Variants in MAP3K14 observed in about 807,000 individuals in gnomAD.
The protein encoded by MAP3K14 is mitogen-activated protein kinase kinase kinase 14, also known as NF-kappa-beta-inducing kinase.
MAP3K14 carries 16 observed loss-of-function variants against 99.2 expected under a neutral mutation model. That is an observed-to-expected ratio of 0.16 (90% CI 0.11 to 0.24). The LOEUF is 0.24. Among genes scored for constraint, MAP3K14 ranks in the 10% least tolerant of loss-of-function variants. MAP3K14 has a pLI of 1.00. For synonymous variants in MAP3K14, 462 were observed against 492.4 expected, an observed-to-expected ratio of 0.94 and a Z score of 0.82; for missense variants, 784 against 1,208.7, an observed-to-expected ratio of 0.65 and a Z score of 5.21.
At chr17:45,264,943 C>T (rs2044062663) in intron 15 of MAP3K14, 143 bp from the exon 16 acceptor site, 3 of 917,858 alleles carry the variant, frequency 3.3e-6, no homozygotes, top group Admixed American at 2.5e-5. Flanking sequence ...GAGAATCCCA[C>T]CCGGCTCAAG....
intron 1 of MAP3K14, among the ~76,000 whole-genome samples, chr17:45,295,798 T>G (rs1219430160): frequency 6.6e-6 from 1 of 152,226 alleles, no homozygotes; most frequent in Non-Finnish European, 1.5e-5. Flanking sequence ...CCAATCAGGT[T>G]GCCTGGCCAA....
At chr17:45,275,886 C>T (rs1052525653) in intron 6 of MAP3K14, among the ~76,000 whole-genome samples, 2 of 151,620 alleles carry the variant, frequency 1.3e-5, no homozygotes, top group South Asian at 4.2e-4. Flanking sequence ...CTCAGCCTCC[C>T]GAGTAGCTGG....
chr17:45,265,578 C>T (rs1458494650), intron 14 of MAP3K14, among the ~76,000 whole-genome samples: 2 of 152,330 alleles, frequency 1.3e-5, no homozygotes, highest in East Asian at 3.9e-4. Flanking sequence ...GCTGGGATTA[C>T]AGGCATGCGC....
Position 45,287,187 on chromosome 17 carries a change from G to A in MAP3K14, c.504C>T (p.Thr168=). The change falls in exon 4 of 16, where the codon ACC becomes ACT. Residue 168 remains threonine, a synonymous_variant. Transcript: ENST00000344686. ...GVALAKPLPR[T]PEQESCTIPV... ...GGATGGTGCAGCTCTCCTGCTCAGG[G>A]GTCCTGGGGAGGGGTTTGGCCAAGG... 6.2e-7 allele frequency: 1 copy of A among 1,613,896 alleles called. No homozygotes were observed. The highest frequency in any genetic ancestry group is 8.5e-7 in the Non-Finnish European group (1 of 1,179,840).
chr17:45,279,023 G>A (rs2044199782), intron 6 of MAP3K14, among the ~76,000 whole-genome samples: 2 of 152,314 alleles, frequency 1.3e-5, no homozygotes, highest in Admixed American at 1.3e-4. Context: ...AGCACTGTCA[G>A]CAATGAGCCT....
chr17:45,309,466 T>G (rs1322288870), intron 1 of MAP3K14, among the ~76,000 whole-genome samples: 1 of 152,160 alleles, frequency 6.6e-6, no homozygotes, highest in Non-Finnish European at 1.5e-5. Flanking sequence ...CTTGGTGAGG[T>G]CCTCCAGGGC....
Position 45,266,629 on chromosome 17 carries a change from T to G in MAP3K14, c.2486A>C (p.His829Pro). 6.2e-7 allele frequency: 1 copy of G among 1,613,226 alleles called. No homozygotes were observed. Among genetic ancestry groups the G allele is most frequent in the Non-Finnish European group, 8.5e-7 (1 of 1,179,564 alleles). The change falls in exon 14 of 16, where the codon CAC (histidine) becomes CCC (proline). Residue 829 changes from histidine to proline, a missense_variant. Physicochemically the swap from His to Pro is moderately conservative, Grantham distance 77. Transcript: ENST00000344686. Reference sequence around the variant, plus strand: ...AGCCTCGGCCTGGCTGCTCCAGGAGTGTACGCCTGAGCTCAGGGTGTCCCG... The same window carrying G: ...AGCCTCGGCCTGGCTGCTCCAGGAGGGTACGCCTGAGCTCAGGGTGTCCCG... ...SSRDTLSSGVHSWSSQAEARS... is the reference protein window; with the variant it reads ...SSRDTLSSGVPSWSSQAEARS...
chr17:45,270,663 C>T (rs1371066098), intron 10 of MAP3K14, 100 bp from the exon 11 acceptor site: 1 of 1,407,498 alleles, frequency 7.1e-7, no homozygotes, highest in Non-Finnish European at 9.3e-7. Flanking sequence ...CCTGTTCCCG[C>T]TGTGCTGGGG....
chr17:45,274,601 G>A lies in MAP3K14; in HGVS notation c.1291-8C>T, dbSNP rs1247845518. The stretch of plus-strand genomic sequence containing the variant: ...AAATACTTCCAGCCGCACCTGCAAG[G>A]GCCCAGAGGCAGCTGTTAAGACAGG... On this transcript the variant is annotated splice_region_variant and splice_polypyrimidine_tract_variant and intron_variant, in intron 6 of 15. Transcript: ENST00000344686. The A allele has an allele frequency of 6.2e-7, 1 of 1,612,908 alleles. No individual in the cohort carries two copies. The highest frequency in any genetic ancestry group is 8.5e-7 in the Non-Finnish European group (1 of 1,179,664).
rs777347079 is a variant in MAP3K14 at position 45,286,772 on chromosome 17, G to A, written c.811C>T (p.Pro271Ser). Residue 271 changes from proline (P) to serine (S), a missense_variant, in exon 5 of 16, where the codon CCT (proline) becomes TCT (serine). By Grantham distance (74) the Pro-to-Ser change is moderately conservative. This residue lies in a region of MAP3K14 where 138 missense variants were observed against 164.1 expected (regional missense o/e 0.84). Coordinates refer to ENST00000344686, the MANE Select transcript of MAP3K14 (RefSeq NM_003954.5). The surrounding 1 kb of genome is among the most constrained non-coding windows in gnomAD (Gnocchi z 4.1). ...GGGTGAGGTTTCCAGGGCTGGAGAGGGTGGAATGGGAAGGGATGAGGCAGT... is the reference window on the plus strand; with the variant it reads ...GGGTGAGGTTTCCAGGGCTGGAGAGAGTGGAATGGGAAGGGATGAGGCAGT... ...SRLPHPFPFH[P>S]LQPWKPHPLE... The A allele has an allele frequency of 6.2e-7, 1 of 1,612,730 alleles. No homozygotes were observed. The highest frequency in any genetic ancestry group is 2.2e-5 in the East Asian group (1 of 44,856).
At chr17:45,276,685 A>G (rs2143797551) in intron 6 of MAP3K14, among the ~76,000 whole-genome samples, 2 of 146,584 alleles carry the variant, frequency 1.4e-5, no homozygotes. Context: ...CTAATTTTTC[A>G]TATTTTTAGT....
chr17:45,288,464 G>A (rs774415988), intron 3 of MAP3K14, among the ~76,000 whole-genome samples: 20 of 148,130 alleles, frequency 1.4e-4, no homozygotes, highest in Middle Eastern at 3.5e-3. Context: ...TGCAACCTTC[G>A]ACTCCTGGAT....
At chr17:45,289,424 C>T (rs1032060992) in intron 2 of MAP3K14, 119 bp from the exon 3 acceptor site, 4 of 753,898 alleles carry the variant, frequency 5.3e-6, no homozygotes, top group Non-Finnish European at 9.1e-6. Flanking sequence ...TTCCAGACAA[C>T]CCCTGTCTGG....
chr17:45,314,124 T>C (rs983775446), intron 1 of MAP3K14, among the ~76,000 whole-genome samples: 3 of 152,146 alleles, frequency 2.0e-5, no homozygotes, highest in African/African-American at 7.2e-5. Context: ...TGAAGAAAAA[T>C]GACTTTTTCT....
At chr17:45,274,277 A>G (rs1045847419) in intron 7 of MAP3K14, 23 bp from the exon 8 acceptor site, 9 of 1,595,744 alleles carry the variant, frequency 5.6e-6, no homozygotes, top group Non-Finnish European at 7.7e-6. Context: ...AGGCCAGGCT[A>G]TACATGGGAC....
At chr17:45,278,439 C>A (rs1598249691) in intron 6 of MAP3K14, among the ~76,000 whole-genome samples, 2 of 152,262 alleles carry the variant, frequency 1.3e-5, no homozygotes, top group East Asian at 3.9e-4. Context: ...ATCTAATGCC[C>A]ACTTATCATT....
intron 6 of MAP3K14, among the ~76,000 whole-genome samples, chr17:45,275,030 T>G (rs932418390): frequency 3.3e-5 from 5 of 151,338 alleles, no homozygotes; most frequent in African/African-American, 7.3e-5. Context: ...TCCCAGCTAC[T>G]CGGGAGGCTG....
chr17:45,309,299 C>T (rs1013684743), intron 1 of MAP3K14, among the ~76,000 whole-genome samples: 16 of 152,230 alleles, frequency 1.1e-4, no homozygotes, highest in African/African-American at 3.6e-4. Context: ...ATCCGAGACG[C>T]TCTACGCCTG....
chr17:45,301,977 G>A lies in MAP3K14; in HGVS notation c.-20-11212C>T, dbSNP rs557381632. 6.6e-5 allele frequency among the ~76,000 whole-genome samples: 10 copies of A among 151,882 alleles called. No individual in the cohort carries two copies. In the South Asian group the frequency reaches 1.9e-3, roughly 28 times the overall value. ...TCTCCCAAGTAGCTGGGACAGGTGC[G>A]TGCCACCACGCTTGGCTAATTTTTT... On this transcript the variant is annotated intron_variant, in intron 1 of 15. Coordinates refer to ENST00000344686, the MANE Select transcript of MAP3K14 (RefSeq NM_003954.5).
Sources: gnomAD v4.1 joint callset for allele counts (sites outside exome capture counted in the v4.1 genomes callset) on GRCh38, gnomAD v4.1.1 for gene constraint, gnomAD v4.1.1 regional missense constraint, Gnocchi (gnomAD v3.1) non-coding constraint, MANE v1.5 for transcripts, NCBI Gene and HGNC (gene_info 2026-07-23, HGNC 2026-07-21) for gene names.